The following SIPA1L1 variants were observed in gnomAD, a reference collection of about 807,000 sequenced individuals.
The protein encoded by SIPA1L1 is signal induced proliferation associated 1 like 1, also known as signal-induced proliferation-associated 1-like protein 1.
A neutral mutation model predicts 162.7 loss-of-function variants in SIPA1L1; 26 were observed. The observed-to-expected ratio is 0.16, with a 90% CI of 0.12 to 0.22. The LOEUF (loss-of-function observed/expected upper bound fraction) is 0.22, where lower values mean the gene tolerates loss of function less well. SIPA1L1 is among the 10% of genes least tolerant of loss of function. The pLI is 1.00. For synonymous variants in SIPA1L1, 829 were observed against 837.4 expected (o/e 0.99, Z 0.17); for missense variants, 1,874 against 2,241.0 (o/e 0.84, Z 3.31).
intron 5 of SIPA1L1, among the ~76,000 whole-genome samples, chr14:71,597,961 G>C (rs1307017459): frequency 6.6e-6 from 1 of 152,198 alleles, no homozygotes; most frequent in African/African-American, 2.4e-5. Flanking sequence ...ACAAATGAAT[G>C]AATGTTTGTT....
At chr14:71,546,841 T>C (rs2055261104) in intron 4 of SIPA1L1, among the ~76,000 whole-genome samples, 2 of 152,192 alleles carry the variant, frequency 1.3e-5, no homozygotes, top group Admixed American at 1.3e-4. Context: ...GGAATGGACA[T>C]CTCACTTGAT....
At chr14:71,574,998 G>A (rs2032776402) in intron 4 of SIPA1L1, 1 of 152,156 alleles carries the variant, frequency 6.6e-6, no homozygotes, top group Non-Finnish European at 1.5e-5. Context: ...GTTTGCTCCT[G>A]CTTTCATTTC....
chr14:71,409,735 G>A (rs904214772), intron 2 of SIPA1L1, among the ~76,000 whole-genome samples: 1 of 152,212 alleles, frequency 6.6e-6, no homozygotes, highest in Non-Finnish European at 1.5e-5. Flanking sequence ...AACTCTGGGA[G>A]TGATAGGCCA....
chr14:71,478,634 A>G (rs191443396), intron 2 of SIPA1L1, among the ~76,000 whole-genome samples: 1 of 152,300 alleles, frequency 6.6e-6, no homozygotes, highest in Admixed American at 6.5e-5. Flanking sequence ...TTGCCATTGT[A>G]CCTTTACCAA....
At chr14:71,542,585 T>TTCTTCCTCCTCCTCC (rs2054542368) in intron 4 of SIPA1L1, among the ~76,000 whole-genome samples, 3 of 133,014 alleles carry the variant, frequency 2.3e-5, no homozygotes, top group Non-Finnish European at 3.3e-5. Flanking sequence ...CTCCTCCTTC[T>TTCTTCCTCCTCCTCC]TCTTCCTCCT....
At chr14:71,634,370 C>T (rs2040900191) in intron 7 of SIPA1L1, among the ~76,000 whole-genome samples, 1 of 149,308 alleles carries the variant, frequency 6.7e-6, no homozygotes. Flanking sequence ...CCACTGCACT[C>T]CAGCCTGGGT....
intron 2 of SIPA1L1, among the ~76,000 whole-genome samples, chr14:71,417,366 GAGGCTGAGGC>G (rs974613138): frequency 6.7e-6 from 1 of 148,858 alleles, no homozygotes; most frequent in Non-Finnish European, 1.5e-5. Flanking sequence ...AGCTACTCGG[GAGGCTGAGGC>G]AGGAGAATGG....
At chr14:71,659,575 A>G (rs535121829) in intron 9 of SIPA1L1, among the ~76,000 whole-genome samples, 23 of 152,322 alleles carry the variant, frequency 1.5e-4, no homozygotes, top group African/African-American at 5.5e-4. Context: ...TAAGAAAGGC[A>G]TAATAAACTT....
intron 13 of SIPA1L1, 119 bp from the exon 14 acceptor site, chr14:71,698,862 T>A (rs1278623798): frequency 9.7e-7 from 1 of 1,035,240 alleles, no homozygotes; most frequent in Admixed American, 2.4e-5. Context: ...CTGGCTTCAT[T>A]TTCACTATCT....
intron 7 of SIPA1L1, among the ~76,000 whole-genome samples, chr14:71,647,817 A>AT: frequency 1.3e-5 from 2 of 152,332 alleles, no homozygotes; most frequent in East Asian, 3.9e-4. Flanking sequence ...CCTTCTAAGC[A>AT]TTAGCCACAT....
intron 2 of SIPA1L1, among the ~76,000 whole-genome samples, chr14:71,394,963 A>G (rs2041063640): frequency 6.6e-6 from 1 of 152,216 alleles, no homozygotes; most frequent in African/African-American, 2.4e-5. Context: ...GTCATTTTTA[A>G]TAATGGGGCT....
At chr14:71,592,976 A>G (rs2035590755) in intron 5 of SIPA1L1, among the ~76,000 whole-genome samples, 1 of 152,198 alleles carries the variant, frequency 6.6e-6, no homozygotes, top group Non-Finnish European at 1.5e-5. Context: ...ATTAAATGAC[A>G]GTAATAATAT....
chr14:71,728,640 A>T (rs764194394), intron 19 of SIPA1L1, among the ~76,000 whole-genome samples: 5 of 152,240 alleles, frequency 3.3e-5, no homozygotes, highest in Non-Finnish European at 7.3e-5. Flanking sequence ...TAATCAGCCC[A>T]CTAAATGGAG....
At chr14:71,619,451 G>T (rs778649405) in intron 6 of SIPA1L1, among the ~76,000 whole-genome samples, 3 of 151,740 alleles carry the variant, frequency 2.0e-5, no homozygotes, top group Admixed American at 6.6e-5. Flanking sequence ...AGCTCTTTAG[G>T]AATCTAAATA....
chr14:71,430,609 C>A (rs1327529426), intron 2 of SIPA1L1, among the ~76,000 whole-genome samples: 1 of 152,178 alleles, frequency 6.6e-6, no homozygotes, highest in Admixed American at 6.5e-5. Context: ...CTTAATCCAG[C>A]CTTCTCCTAT....
chr14:71,343,223 C>T (rs1319581638), intron 2 of SIPA1L1, among the ~76,000 whole-genome samples: 1 of 152,208 alleles, frequency 6.6e-6, no homozygotes, highest in African/African-American at 2.4e-5. Context: ...GTATTGAGGA[C>T]ATGCCACCCT....
intron 2 of SIPA1L1, among the ~76,000 whole-genome samples, chr14:71,374,698 T>TG (rs2039215564): frequency 6.6e-6 from 1 of 151,308 alleles, no homozygotes; most frequent in South Asian, 2.1e-4. Context: ...TTGAAAGTTT[T>TG]TTTTTTTTTT....
At chr14:71,469,122 G>T (rs373325683) in intron 2 of SIPA1L1, among the ~76,000 whole-genome samples, 5 of 151,752 alleles carry the variant, frequency 3.3e-5, no homozygotes, top group South Asian at 2.1e-4. Context: ...TTACCAATCC[G>T]CAGAGTCCAC....
chr14:71,468,807 A>C (rs769643257), intron 2 of SIPA1L1, among the ~76,000 whole-genome samples: 1 of 152,262 alleles, frequency 6.6e-6, no homozygotes, highest in African/African-American at 2.4e-5. Flanking sequence ...GACAGGAGCT[A>C]TATAAAAACC....
Sources: allele counts gnomAD v4.1 joint callset (sites outside exome capture counted in the v4.1 genomes callset), GRCh38; gene constraint gnomAD v4.1.1; transcripts MANE v1.5; gene names NCBI Gene and HGNC (gene_info 2026-07-23, HGNC 2026-07-21).